The following ATAD2B variants were observed in gnomAD, a reference collection of about 807,000 sequenced individuals.
ATAD2B encodes ATPase family AAA domain containing 2B.
In ATAD2B, 40 loss-of-function variants were observed where a neutral mutation model predicts 167.6. The ratio of observed to expected loss-of-function variants is 0.24; its 90% CI spans 0.19 to 0.31. The LOEUF (loss-of-function observed/expected upper bound fraction) is 0.31, where lower values mean the gene tolerates loss of function less well. ATAD2B is among the 10% of genes least tolerant of loss of function. The probability of loss-of-function intolerance (pLI) is 1.00; values close to 1 mark genes in which losing one functional copy is unlikely to be tolerated. For synonymous variants in ATAD2B, 579 were observed against 596.5 expected, an observed-to-expected ratio of 0.97 and a Z score of 0.43; for missense variants, 1,242 against 1,757.2, an observed-to-expected ratio of 0.71 and a Z score of 5.24.
the ATAD2B span, among the ~76,000 whole-genome samples, chr2:23,687,765 C>T: frequency 6.6e-6 from 1 of 152,290 alleles, no homozygotes; most frequent in African/African-American, 2.4e-5. Flanking sequence ...GGGAGGGGGT[C>T]TCAGGTCCCA....
At chr2:23,864,491 T>C (rs1474053735) in intron 11 of ATAD2B, among the ~76,000 whole-genome samples, 1 of 151,862 alleles carries the variant, frequency 6.6e-6, no homozygotes, top group Non-Finnish European at 1.5e-5. Flanking sequence ...CTTCCAAGAG[T>C]AAATAACATA....
At position 23,749,321 on chromosome 2, in the gene ATAD2B, T is replaced by C. The variant is rs772801361; in HGVS notation, c.*2725A>G. The C allele has an allele frequency of 1.3e-5, 2 of 152,154 alleles. No homozygotes were observed. The highest frequency in any genetic ancestry group is 2.4e-5 in the African/African-American group (1 of 41,456). 9.4% of individuals were successfully genotyped at this position (152,154 alleles called of 1,614,324 possible). A position where few individuals can be genotyped will look rare whatever the true frequency, so the allele number is the denominator to read the frequency against. On this transcript the variant is annotated 3_prime_UTR_variant, in exon 28 of 28. Transcript: ENST00000238789. ...GAATTATTGCTGAGCTATGCTGTGA[T>C]ACATATTTTACTCATCTGAGAGCAA...
chr2:23,897,907 C>T (rs1700339061), intron 1 of ATAD2B, among the ~76,000 whole-genome samples: 1 of 152,220 alleles, frequency 6.6e-6, no homozygotes, highest in Admixed American at 6.5e-5. Context: ...CAATTAAGTG[C>T]TCTCAGCAGA....
the ATAD2B span, among the ~76,000 whole-genome samples, chr2:23,700,381 T>A: frequency 6.6e-6 from 1 of 152,350 alleles, no homozygotes; most frequent in South Asian, 2.1e-4. This position sits in a 1 kb window ranked among gnomAD's most constrained non-coding sequence, Gnocchi z 4.6. Flanking sequence ...CATCACTTCC[T>A]AATTTTTTAC....
intron 1 of ATAD2B, among the ~76,000 whole-genome samples, chr2:23,913,564 T>C (rs1285117052): frequency 6.7e-6 from 1 of 148,472 alleles, no homozygotes; most frequent in African/African-American, 2.5e-5. Flanking sequence ...TGCTTTAACC[T>C]GGGAGGTGGA....
intron 1 of ATAD2B, among the ~76,000 whole-genome samples, chr2:23,914,702 C>T (rs1202365836): frequency 1.3e-5 from 2 of 151,896 alleles, no homozygotes; most frequent in Admixed American, 6.6e-5. Context: ...ATTAGCCGGG[C>T]GAGGTGGCGG....
Position 23,754,785 on chromosome 2 carries a change from G to A in ATAD2B, c.4079-11C>T, listed in dbSNP as rs1484792475. On this transcript the variant is annotated splice_polypyrimidine_tract_variant and intron_variant, in intron 25 of 27. Coordinates refer to ENST00000238789, the MANE Select transcript of ATAD2B (RefSeq NM_017552.4). ...TTACTTTAGAAGCACCTATAATTGAGACAAAAAAATACACTGCAGCAAGTA... is the reference window on the plus strand; with the variant it reads ...TTACTTTAGAAGCACCTATAATTGAAACAAAAAAATACACTGCAGCAAGTA... The A allele has an allele frequency of 1.2e-6, 2 of 1,600,986 alleles. No individual in the cohort carries two copies. Among genetic ancestry groups the A allele is most frequent in the Admixed American group, 1.8e-5 (1 of 56,892 alleles).
chr2:23,777,318 G>A (rs895474087), intron 22 of ATAD2B, among the ~76,000 whole-genome samples: 6 of 150,008 alleles, frequency 4.0e-5, no homozygotes, highest in Middle Eastern at 3.4e-3. Context: ...GTAGTTATCC[G>A]GTAGGCATTA....
chr2:23,735,446 T>C, the ATAD2B span, among the ~76,000 whole-genome samples: 1 of 152,252 alleles, frequency 6.6e-6, no homozygotes, highest in African/African-American at 2.4e-5. Context: ...GATAACTTTT[T>C]GTTCAACTTA....
intron 27 of ATAD2B, 104 bp downstream of exon 27, chr2:23,754,075 T>C (rs1675670169): frequency 1.1e-6 from 1 of 899,776 alleles, no homozygotes; most frequent in Non-Finnish European, 1.6e-6. Flanking sequence ...CTTCAGCTAC[T>C]TGGTAAAAGA....
At chr2:23,842,288 A>G (rs1324754808) in intron 13 of ATAD2B, among the ~76,000 whole-genome samples, 2 of 152,064 alleles carry the variant, frequency 1.3e-5, no homozygotes, top group Non-Finnish European at 2.9e-5. Flanking sequence ...TATTTTACTA[A>G]TGATTACTCT....
chr2:23,757,312 G>A, intron 25 of ATAD2B, 106 bp downstream of exon 25: 1 of 814,176 alleles, frequency 1.2e-6, no homozygotes, highest in Non-Finnish European at 1.8e-6. Context: ...ATTCTCAGAG[G>A]GGTATAATTA....
the ATAD2B span, among the ~76,000 whole-genome samples, chr2:23,682,773 C>T: frequency 1.3e-5 from 2 of 152,176 alleles, no homozygotes; most frequent in African/African-American, 4.8e-5. This position sits in a 1 kb window ranked among gnomAD's most constrained non-coding sequence, Gnocchi z 4.1. Context: ...CGGGTCTGAG[C>T]TCACCCCACG....
chr2:23,868,035 A>C (rs1695401905), intron 9 of ATAD2B, 89 bp from the exon 10 acceptor site: 3 of 798,704 alleles, frequency 3.8e-6, no homozygotes, highest in Non-Finnish European at 6.2e-6. Flanking sequence ...ATGTGTCTTC[A>C]TCTTTCTCCT....
chr2:23,883,194 CG>C (rs1698205996), intron 6 of ATAD2B, among the ~76,000 whole-genome samples: 1 of 149,718 alleles, frequency 6.7e-6, no homozygotes, highest in Non-Finnish European at 1.5e-5. Flanking sequence ...ATGGGAGGAT[CG>C]CTTGAGCCTG....
At chr2:23,890,732 A>G (rs1573288243) in intron 2 of ATAD2B, among the ~76,000 whole-genome samples, 1 of 152,222 alleles carries the variant, frequency 6.6e-6, no homozygotes, top group South Asian at 2.1e-4. Flanking sequence ...TGCAGACCCT[A>G]AAGTCATTCC....
intron 13 of ATAD2B, among the ~76,000 whole-genome samples, chr2:23,838,634 T>C (rs952219511): frequency 1.3e-5 from 2 of 152,202 alleles, no homozygotes; most frequent in African/African-American, 4.8e-5. Flanking sequence ...AGATCTAAAA[T>C]CCAATGAAAT....
chr2:23,699,340 T>C, the ATAD2B span, among the ~76,000 whole-genome samples: 1 of 152,174 alleles, frequency 6.6e-6, no homozygotes, highest in Non-Finnish European at 1.5e-5. Flanking sequence ...GGCCTCGCAT[T>C]GCGTCCAGGC....
the ATAD2B span, among the ~76,000 whole-genome samples, chr2:23,704,082 GC>G: frequency 1.3e-5 from 2 of 152,210 alleles, no homozygotes; most frequent in East Asian, 3.9e-4. Context: ...GCTCCAGCTG[GC>G]CCCAGCTCCA....
Sources: allele counts gnomAD v4.1 joint callset (sites outside exome capture counted in the v4.1 genomes callset), GRCh38; gene constraint gnomAD v4.1.1; non-coding constraint Gnocchi (gnomAD v3.1); transcripts MANE v1.5; gene names NCBI Gene and HGNC (gene_info 2026-07-23, HGNC 2026-07-21).